Variants in RRN3 observed in about 807,000 individuals in gnomAD.
RRN3 encodes the protein RNA polymerase I-specific transcription initiation factor RRN3.
In RRN3, 38 loss-of-function variants were observed where a neutral mutation model predicts 82.3. That is an observed-to-expected ratio of 0.46 (90% CI 0.36 to 0.61). The LOEUF (loss-of-function observed/expected upper bound fraction) is 0.61. RRN3 is among the 20% of genes least tolerant of loss of function. The pLI is 0.00. For missense variants in RRN3, 726 were observed against 793.1 expected (o/e 0.92, Z 1.02); for synonymous variants, 284 against 284.3 (o/e 1.00, Z 0.01).
At chr16:15,084,939 G>T (rs1305508788) in intron 6 of RRN3, among the ~76,000 whole-genome samples, 1 of 151,996 alleles carries the variant, frequency 6.6e-6, no homozygotes, top group Non-Finnish European at 1.5e-5. Flanking sequence ...GGTGGCAAAT[G>T]CCTGTAGTCC....
At chr16:15,071,423 G>A (rs564789449) in intron 12 of RRN3, among the ~76,000 whole-genome samples, 172 bp from the exon 13 acceptor site, 4 of 152,212 alleles carry the variant, frequency 2.6e-5, no homozygotes, top group South Asian at 4.1e-4. Context: ...AAAACAAAAG[G>A]CACCTCGGGT....
rs777966577 is a variant in RRN3 at position 15,061,887 on chromosome 16, C to T, written c.1813G>A (p.Asp605Asn). The T allele has an allele frequency of 1.6e-5, 25 of 1,612,588 alleles. No individual in the cohort carries two copies. Among genetic ancestry groups the T allele is most frequent in the Non-Finnish European group, 2.0e-5 (23 of 1,178,616 alleles). The change falls in exon 18 of 18, where the codon GAT becomes AAT. Residue 605 changes from aspartate (D) to asparagine (N), a missense_variant. Around this residue, in one of 4 missense-constraint regions of RRN3, gnomAD observed 166 missense variants for 154.8 expected, o/e 1.07. Coordinates refer to ENST00000198767, the MANE Select transcript of RRN3 (RefSeq NM_018427.5). ...ACTTCGCCTTTCAGAAAGTCATCAT[C>T]TTCATCTTCCACTATGTCCTGCAGA... The part of the protein sequence containing the change: ...PMKKDIVEDE[D>N]DDFLKGEVPQ...
Position 15,060,966 on chromosome 16 carries a change from C to T in RRN3, c.*778G>A, listed in dbSNP as rs561167150. The T allele has an allele frequency of 1.3e-5, 2 of 152,264 alleles. No individual in the cohort carries two copies. Among genetic ancestry groups the T allele is most frequent in the African/African-American group, 4.8e-5 (2 of 41,466 alleles). 9.4% of individuals were successfully genotyped at this position (152,264 alleles called of 1,614,324 possible). On this transcript the variant is annotated 3_prime_UTR_variant, in exon 18 of 18. Transcript: ENST00000198767. Reference sequence around the variant, plus strand: ...CAAATCCAATCTCATGTGTTTTACACAAGCCCGAACTCACTTTCAGTCTGT... The same window carrying T: ...CAAATCCAATCTCATGTGTTTTACATAAGCCCGAACTCACTTTCAGTCTGT...
intron 16 of RRN3, among the ~76,000 whole-genome samples, chr16:15,063,526 G>A (rs1434659029): frequency 1.3e-5 from 2 of 151,866 alleles, no homozygotes; most frequent in Non-Finnish European, 2.9e-5. Context: ...GGCTAACACG[G>A]TGAAACCCCA....
rs1300176628 is a variant in RRN3, at chr16:15,061,411, T to C, written c.*333A>G. ...AACAGCAACCCGTAAAACAGTCTGC[T>C]GCCTATATTAGAAATTACCCAGTAA... On this transcript the variant is annotated 3_prime_UTR_variant, in exon 18 of 18. Transcript: ENST00000198767. The C allele has an allele frequency of 3.6e-6, 1 of 279,922 alleles. No homozygotes were observed. Among genetic ancestry groups the C allele is most frequent in the Non-Finnish European group, 6.6e-6 (1 of 151,056 alleles). 17.3% of individuals were successfully genotyped at this position (279,922 alleles called of 1,614,324 possible).
In RRN3 at chr16:15,061,167, A is replaced by T. The variant is rs1007491685; in HGVS notation, c.*577T>A. On this transcript the variant is annotated 3_prime_UTR_variant, in exon 18 of 18. Coordinates refer to ENST00000198767, the MANE Select transcript of RRN3 (RefSeq NM_018427.5). ...AGTGCCAGCTCCAACTCTGTGTCCC[A>T]GACCATGTCGGGCCAGCTCTCAGCT... The T allele has an allele frequency of 6.6e-6, 1 of 152,306 alleles. No homozygotes were observed. The highest frequency in any genetic ancestry group is 2.4e-5 in the African/African-American group (1 of 41,474). 9.4% of individuals were successfully genotyped at this position (152,306 alleles called of 1,614,324 possible).
At chr16:15,071,843 T>G (rs2045246218) in intron 12 of RRN3, among the ~76,000 whole-genome samples, 1 of 152,182 alleles carries the variant, frequency 6.6e-6, no homozygotes, top group Non-Finnish European at 1.5e-5. Context: ...GACAGGGCTT[T>G]GGAATCCACA....
At chr16:15,061,941 A>C in intron 17 of RRN3, 36 bp from the exon 18 acceptor site, 1 of 1,573,094 alleles carries the variant, frequency 6.4e-7, no homozygotes, top group Non-Finnish European at 8.7e-7. Context: ...TAACATCACC[A>C]GTGCTGACTG....
intron 3 of RRN3, among the ~76,000 whole-genome samples, chr16:15,087,459 C>A (rs942966453): frequency 6.6e-6 from 1 of 152,188 alleles, no homozygotes; most frequent in East Asian, 1.9e-4. Flanking sequence ...TATCCTCTGT[C>A]CACCGTCCCA....
chr16:15,072,881 A>C, intron 12 of RRN3, 69 bp downstream of exon 12: 2 of 1,536,534 alleles, frequency 1.3e-6, no homozygotes, highest in Non-Finnish European at 1.8e-6. Flanking sequence ...CGTCCACCCC[A>C]GTTTTTAGGG....
intron 16 of RRN3, among the ~76,000 whole-genome samples, chr16:15,063,716 A>AAG (rs1555454459): frequency 2.6e-5 from 4 of 151,140 alleles, no homozygotes; most frequent in African/African-American, 7.3e-5. Context: ...AAAAAAAAAA[A>AAG]AAAAAAGAAA....
At chr16:15,087,991 G>C (rs887482412) in intron 3 of RRN3, among the ~76,000 whole-genome samples, 1 of 152,064 alleles carries the variant, frequency 6.6e-6, no homozygotes, top group Non-Finnish European at 1.5e-5. Flanking sequence ...GTGCATGCCC[G>C]TAATCCCAGC....
At chr16:15,065,448 A>C in intron 15 of RRN3, 77 bp from the exon 16 acceptor site, 1 of 1,268,376 alleles carries the variant, frequency 7.9e-7, no homozygotes, top group African/African-American at 1.5e-5. Flanking sequence ...GCTGCGTGTG[A>C]CAACTGTACC....
chr16:15,073,587 C>T (rs2045331579), intron 11 of RRN3, among the ~76,000 whole-genome samples: 1 of 152,210 alleles, frequency 6.6e-6, no homozygotes, highest in Non-Finnish European at 1.5e-5. Context: ...TCACCTCACA[C>T]ACTGTGGCAA....
At chr16:15,085,594 G>A in intron 6 of RRN3, 45 bp downstream of exon 6, 1 of 1,599,344 alleles carries the variant, frequency 6.3e-7, no homozygotes, top group Non-Finnish European at 8.5e-7. Flanking sequence ...CTGGGATTAT[G>A]GGTGAAAGCT....
At chr16:15,082,725 G>C (rs1328966055) in intron 8 of RRN3, among the ~76,000 whole-genome samples, 1 of 151,714 alleles carries the variant, frequency 6.6e-6, no homozygotes, top group Non-Finnish European at 1.5e-5. Flanking sequence ...AGTCGCACTT[G>C]GTCATGGTAC....
In RRN3 at chr16:15,071,143, T is replaced by G. The variant is rs763337570; in HGVS notation, c.1237A>C (p.Arg413=). The change falls in exon 13 of 18, where the codon AGA becomes CGA. Residue 413 remains arginine, a synonymous_variant. Transcript: ENST00000198767. ...TACATAAGAGGAATAAATTTAGCTC[T>G]TGCCAAAAAGCTTCCAATATAATTT... ...AGNYIGSFLA[R]AKFIPLITVK... is the part of the protein sequence containing the mutation. 2 of 1,609,176 alleles carry G rather than the reference T, an allele frequency of 1.2e-6. No homozygotes were observed. Among genetic ancestry groups the G allele is most frequent in the South Asian group, 2.2e-5 (2 of 90,112 alleles).
intron 15 of RRN3, among the ~76,000 whole-genome samples, chr16:15,066,103 C>A (rs533923119): frequency 2.5e-4 from 38 of 152,330 alleles, no homozygotes; most frequent in Non-Finnish European, 3.7e-4. Flanking sequence ...GTTCTCAGGT[C>A]ACCATGGCAA....
At chr16:15,088,380 T>C (rs1371731780) in intron 3 of RRN3, among the ~76,000 whole-genome samples, 1 of 151,780 alleles carries the variant, frequency 6.6e-6, no homozygotes, top group African/African-American at 2.4e-5. Context: ...GGTGGGAAGA[T>C]TGCTTGAGCC....
Sources: gnomAD v4.1 joint callset for allele counts (sites outside exome capture counted in the v4.1 genomes callset) on GRCh38, gnomAD v4.1.1 for gene constraint, gnomAD v4.1.1 regional missense constraint, MANE v1.5 for transcripts, NCBI Gene and HGNC (gene_info 2026-07-23, HGNC 2026-07-21) for gene names.